Variants in WDR93 observed in about 807,000 individuals in gnomAD.
WDR93 encodes WD repeat-containing protein 93.
Under a neutral mutation model 82.9 loss-of-function variants are expected in WDR93, and 73 were observed. The ratio of observed to expected loss-of-function variants is 0.88; its 90% confidence interval spans 0.73 to 1.07. The LOEUF (loss-of-function observed/expected upper bound fraction) is 1.07. Among genes scored for constraint, WDR93 ranks in the 50% least tolerant of loss-of-function variants. WDR93 has a pLI of 0.00. For synonymous variants in WDR93, 283 were observed against 300.1 expected (o/e 0.94, Z 0.59); for missense variants, 738 against 826.0 (o/e 0.89, Z 1.31).
At chr15:89,734,930 C>A (rs1967037283) in intron 13 of WDR93, among the ~76,000 whole-genome samples, 1 of 152,214 alleles carries the variant, frequency 6.6e-6, no homozygotes, top group African/African-American at 2.4e-5. Flanking sequence ...ACTTACAAAG[C>A]AAACCATATT....
intron 7 of WDR93, among the ~76,000 whole-genome samples, chr15:89,719,017 G>A (rs2141653845): frequency 6.6e-6 from 1 of 152,136 alleles, no homozygotes; most frequent in East Asian, 1.9e-4. Context: ...TACATAAGTG[G>A]CATCATACTG....
chr15:89,731,021 T>C (rs1197557390), intron 11 of WDR93, among the ~76,000 whole-genome samples: 2 of 152,228 alleles, frequency 1.3e-5, no homozygotes, highest in Non-Finnish European at 2.9e-5. Flanking sequence ...GTTTCTTTTC[T>C]TCCGTCCCTT....
chr15:89,740,247 T>C (rs1967549482), intron 16 of WDR93, among the ~76,000 whole-genome samples: 1 of 152,192 alleles, frequency 6.6e-6, no homozygotes, highest in Non-Finnish European at 1.5e-5. Context: ...GGTGGCACCA[T>C]AGCTCCTCTC....
intron 1 of WDR93, among the ~76,000 whole-genome samples, chr15:89,699,909 G>C (rs1965373045): frequency 6.6e-6 from 1 of 152,070 alleles, no homozygotes; most frequent in African/African-American, 2.4e-5. Context: ...CTCTGGTTCA[G>C]CTTTAGTTGA....
At chr15:89,733,994 T>C (rs1385192535) in intron 13 of WDR93, among the ~76,000 whole-genome samples, 1 of 134,206 alleles carries the variant, frequency 7.5e-6, no homozygotes, top group Non-Finnish European at 1.6e-5. Flanking sequence ...ACCTGTATAA[T>C]GTGTGTGTGT....
intron 8 of WDR93, among the ~76,000 whole-genome samples, chr15:89,723,015 G>C (rs1012722714): frequency 1.5e-4 from 23 of 151,978 alleles, no homozygotes; most frequent in African/African-American, 5.3e-4. Flanking sequence ...GACCAGCTTG[G>C]GGAACATGGC....
At chr15:89,725,127 CAT>C (rs1234008395) in intron 8 of WDR93, among the ~76,000 whole-genome samples, 2 of 152,294 alleles carry the variant, frequency 1.3e-5, no homozygotes, top group Middle Eastern at 3.4e-3. Flanking sequence ...TTCCAGGAAA[CAT>C]GTGCATGAAT....
At chr15:89,699,212 G>A (rs1965335105) in intron 1 of WDR93, among the ~76,000 whole-genome samples, 1 of 151,990 alleles carries the variant, frequency 6.6e-6, no homozygotes, top group Non-Finnish European at 1.5e-5. Flanking sequence ...GCTTGTTGAT[G>A]ATGAATTCTT....
At chr15:89,721,873 T>A (rs1247295558) in intron 7 of WDR93, among the ~76,000 whole-genome samples, 182 bp from the exon 8 acceptor site, 4 of 152,240 alleles carry the variant, frequency 2.6e-5, no homozygotes, top group African/African-American at 9.6e-5. Flanking sequence ...TGATTATTTA[T>A]ATGTTTGGGT....
intron 14 of WDR93, among the ~76,000 whole-genome samples, chr15:89,736,409 C>T (rs1967177026): frequency 6.6e-6 from 1 of 152,130 alleles, no homozygotes; most frequent in Admixed American, 6.5e-5. Flanking sequence ...ATTCCATGCT[C>T]ACCAGCCAGG....
At chr15:89,722,995 A>G (rs948666484) in intron 8 of WDR93, among the ~76,000 whole-genome samples, 1 of 152,092 alleles carries the variant, frequency 6.6e-6, no homozygotes, top group African/African-American at 2.4e-5. Flanking sequence ...GCTTGAGCTC[A>G]GGAGTTCAAG....
intron 16 of WDR93, among the ~76,000 whole-genome samples, chr15:89,740,495 TTTTTTGTTTTTG>T (rs1330942646): frequency 1.3e-5 from 2 of 151,704 alleles, no homozygotes; most frequent in African/African-American, 2.4e-5. Flanking sequence ...AGGGTTTTTG[TTTTTTGTTTTTG>T]TTTTTGTTTT....
chr15:89,738,664 AG>A (rs1967411197), intron 16 of WDR93, among the ~76,000 whole-genome samples: 2 of 151,398 alleles, frequency 1.3e-5, no homozygotes, highest in African/African-American at 4.9e-5. Flanking sequence ...CCCTAAGTGA[AG>A]GGTTCTACCC....
intron 16 of WDR93, among the ~76,000 whole-genome samples, chr15:89,741,627 C>CT (rs1164699457): frequency 6.6e-6 from 1 of 152,176 alleles, no homozygotes; most frequent in Non-Finnish European, 1.5e-5. Flanking sequence ...CAGCCCTTTC[C>CT]TTTAAGAGGC....
intron 4 of WDR93, among the ~76,000 whole-genome samples, chr15:89,709,957 A>G (rs993485466): frequency 4.6e-5 from 7 of 151,996 alleles, no homozygotes; most frequent in Non-Finnish European, 8.8e-5. Context: ...TCAGTAGAAC[A>G]AGACCATCCT....
chr15:89,730,549 G>A, intron 11 of WDR93, among the ~76,000 whole-genome samples: 1 of 152,132 alleles, frequency 6.6e-6, no homozygotes, highest in East Asian at 1.9e-4. Flanking sequence ...TGTATGTGAA[G>A]CTCTTCGAAA....
chr15:89,690,784 T>C (rs1427454322), upstream of WDR93: 17 of 565,514 alleles, frequency 3.0e-5, no homozygotes, highest in East Asian at 6.3e-5. Flanking sequence ...ACACTTTCTG[T>C]AGAGCAACTT....
chr15:89,725,103 T>G (rs981578471), intron 8 of WDR93, among the ~76,000 whole-genome samples: 3 of 152,206 alleles, frequency 2.0e-5, no homozygotes, highest in African/African-American at 7.2e-5. Context: ...CCCATAGATT[T>G]GCAAGCAAGT....
chr15:89,725,778 T>C (rs1966713100), intron 8 of WDR93, among the ~76,000 whole-genome samples: 1 of 152,056 alleles, frequency 6.6e-6, no homozygotes, highest in Admixed American at 6.6e-5. Flanking sequence ...GCCTGGCTGG[T>C]CTCAAACTCC....
Sources: gnomAD v4.1 joint callset for allele counts (sites outside exome capture counted in the v4.1 genomes callset) on GRCh38, gnomAD v4.1.1 for gene constraint, MANE v1.5 for transcripts, NCBI Gene and HGNC (gene_info 2026-07-23, HGNC 2026-07-21) for gene names.